The following CLVS1 variants were observed in gnomAD, a reference collection of about 807,000 sequenced individuals.
The protein encoded by CLVS1 is clavesin-1.
In CLVS1, 10 loss-of-function variants were observed where a neutral mutation model predicts 33.1. That is an observed-to-expected ratio of 0.30 (90% confidence interval 0.19 to 0.51). CLVS1 has a LOEUF of 0.51. Ranked by LOEUF, CLVS1 falls within the 20% of genes least tolerant of loss-of-function variation. The probability of loss-of-function intolerance (pLI) is 0.97; values close to 1 mark genes in which losing one functional copy is unlikely to be tolerated. For synonymous variants in CLVS1, 163 were observed against 166.1 expected, an observed-to-expected ratio of 0.98 and a Z score of 0.14; for missense variants, 343 against 433.4, an observed-to-expected ratio of 0.79 and a Z score of 1.85.
chr8:61,242,644 C>T (rs913446712), intron 2 of CLVS1, among the ~76,000 whole-genome samples: 1 of 151,924 alleles, frequency 6.6e-6, no homozygotes, highest in Non-Finnish European at 1.5e-5. Context: ...AAAAAATTAA[C>T]CAGACATGGT....
chr8:61,137,612 G>T (rs1282399188), intron 2 of CLVS1, among the ~76,000 whole-genome samples: 1 of 152,038 alleles, frequency 6.6e-6, no homozygotes, highest in African/African-American at 2.4e-5. Context: ...CTCCTGAGTC[G>T]CAAGTCTTAC....
chr8:61,254,058 C>T (rs906837949), intron 2 of CLVS1, among the ~76,000 whole-genome samples: 1 of 152,118 alleles, frequency 6.6e-6, no homozygotes, highest in African/African-American at 2.4e-5. Flanking sequence ...GTTTTATCTA[C>T]CTTTGGTCTT....
At chr8:61,477,167 A>AGCTT (rs1817975941) in intron 5 of CLVS1, among the ~76,000 whole-genome samples, 1 of 152,194 alleles carries the variant, frequency 6.6e-6, no homozygotes, top group Non-Finnish European at 1.5e-5. Flanking sequence ...ATGGTGGATA[A>AGCTT]GCTTTTTGAT....
At chr8:61,107,713 C>T (rs917833704) in intron 1 of CLVS1, among the ~76,000 whole-genome samples, 1 of 152,214 alleles carries the variant, frequency 6.6e-6, no homozygotes, top group African/African-American at 2.4e-5. Flanking sequence ...CTGTGTCTCC[C>T]CATTGCGTTA....
At chr8:61,368,416 T>A (rs1358547033) in intron 2 of CLVS1, among the ~76,000 whole-genome samples, 1 of 152,208 alleles carries the variant, frequency 6.6e-6, no homozygotes, top group Admixed American at 6.5e-5. Context: ...GAGAATATTG[T>A]CTTCACTGTG....
chr8:61,304,024 C>T (rs1032086823), intron 2 of CLVS1, among the ~76,000 whole-genome samples: 7 of 152,188 alleles, frequency 4.6e-5, no homozygotes, highest in Non-Finnish European at 1.0e-4. Context: ...CACCTGTTTG[C>T]TTTCTCCCCA....
At chr8:61,062,572 G>A (rs745100) in intron 1 of CLVS1, among the ~76,000 whole-genome samples, 7,896 of 152,272 alleles carry the variant, frequency 0.052, 288 homozygotes, top group Non-Finnish European at 0.083. Context: ...TTGAGGGCTT[G>A]CTTTTGTTTT....
chr8:61,217,251 T>C (rs1253049303), intron 2 of CLVS1, among the ~76,000 whole-genome samples: 1 of 152,146 alleles, frequency 6.6e-6, no homozygotes, highest in Admixed American at 6.5e-5. Flanking sequence ...ATATTCCTCA[T>C]TCACTGAGAT....
chr8:61,469,631 T>C (rs969020387), intron 5 of CLVS1, among the ~76,000 whole-genome samples: 1 of 152,226 alleles, frequency 6.6e-6, no homozygotes, highest in Admixed American at 6.5e-5. Context: ...GTGCATTTGC[T>C]GGATAACTAC....
At chr8:61,202,044 G>A (rs560282244) in intron 2 of CLVS1, among the ~76,000 whole-genome samples, 4 of 152,296 alleles carry the variant, frequency 2.6e-5, no homozygotes, top group Admixed American at 6.5e-5. Flanking sequence ...AGAGGCAAAG[G>A]TAGAGGAAAA....
intron 1 of CLVS1, among the ~76,000 whole-genome samples, chr8:61,289,955 G>A (rs896173908): frequency 3.9e-5 from 6 of 152,178 alleles, no homozygotes; most frequent in Admixed American, 6.5e-5. Flanking sequence ...GGATTTTATA[G>A]AAGAAAATTT....
intron 2 of CLVS1, among the ~76,000 whole-genome samples, chr8:61,266,563 T>C (rs563106284): frequency 2.0e-5 from 3 of 152,174 alleles, no homozygotes; most frequent in Non-Finnish European, 4.4e-5. Flanking sequence ...ATTTGGATCC[T>C]GTTGAAATCC....
chr8:61,389,182 A>G (rs1309838975), intron 3 of CLVS1, among the ~76,000 whole-genome samples: 5 of 152,192 alleles, frequency 3.3e-5, no homozygotes, highest in African/African-American at 1.2e-4. Context: ...CTCACCACAT[A>G]CTAGAAGTCT....
chr8:61,121,517 T>C (rs951314774), intron 1 of CLVS1, among the ~76,000 whole-genome samples: 2 of 152,192 alleles, frequency 1.3e-5, no homozygotes, highest in South Asian at 2.1e-4. Context: ...GGAAGAATCA[T>C]TGAAACATGT....
chr8:61,500,314 T>G lies in CLVS1; in HGVS notation c.*772T>G, dbSNP rs556667863. 1 of 152,342 alleles carries G rather than the reference T, an allele frequency of 6.6e-6. No homozygotes were observed. The highest frequency in any genetic ancestry group is 6.5e-5 in the Admixed American group (1 of 15,302). 9.4% of individuals were successfully genotyped at this position (152,342 alleles called of 1,614,324 possible). A position where few individuals can be genotyped will look rare whatever the true frequency, so the allele number is the denominator to read the frequency against. On this transcript the variant is annotated 3_prime_UTR_variant, in exon 6 of 6. Coordinates refer to ENST00000325897, the MANE Select transcript of CLVS1 (RefSeq NM_173519.3). ...AGCATGTGTCTGCAGAGGAGATGTC[T>G]CATGAAAATCACATGTCAGTGATTA...
At chr8:61,463,895 C>T (rs1375952697) in intron 5 of CLVS1, among the ~76,000 whole-genome samples, 2 of 151,582 alleles carry the variant, frequency 1.3e-5, no homozygotes, top group South Asian at 2.1e-4. Flanking sequence ...GGTGAAACCC[C>T]GTATCTACTA....
intron 2 of CLVS1, among the ~76,000 whole-genome samples, chr8:61,344,922 A>G (rs1053163123): frequency 6.6e-6 from 1 of 152,120 alleles, no homozygotes; most frequent in South Asian, 2.1e-4. Context: ...AATTCCAAAG[A>G]AAGTGGAAAA....
chr8:61,440,067 T>C (rs1816482442), intron 3 of CLVS1, among the ~76,000 whole-genome samples: 1 of 152,170 alleles, frequency 6.6e-6, no homozygotes, highest in Non-Finnish European at 1.5e-5. Context: ...GAATCTAAAC[T>C]CTGCATCTTC....
intron 3 of CLVS1, among the ~76,000 whole-genome samples, chr8:61,451,460 G>T (rs773775154): frequency 1.3e-5 from 2 of 152,080 alleles, no homozygotes; most frequent in African/African-American, 4.8e-5. Context: ...TATTGACAAA[G>T]GTATAAATGT....
Sources: gnomAD v4.1 joint callset for allele counts (sites outside exome capture counted in the v4.1 genomes callset) on GRCh38, gnomAD v4.1.1 for gene constraint, MANE v1.5 for transcripts, NCBI Gene and HGNC (gene_info 2026-07-23, HGNC 2026-07-21) for gene names.